Variants in RAB40B observed in about 807,000 individuals in gnomAD.
RAB40B encodes the protein ras-related protein Rab-40B.
In RAB40B, 21 loss-of-function variants were observed where a neutral mutation model predicts 24.0. The observed-to-expected ratio is 0.88, with a 90% CI of 0.62 to 1.26. The LOEUF (loss-of-function observed/expected upper bound fraction) is 1.26, where lower values mean the gene tolerates loss of function less well. Ranked by LOEUF, RAB40B falls within the 50% of genes most tolerant of loss-of-function variation. RAB40B has a pLI of 0.00. For missense variants in RAB40B, 348 were observed against 390.5 expected (o/e 0.89, Z 0.92); for synonymous variants, 167 against 169.8 (o/e 0.98, Z 0.13).
In RAB40B at chr17:82,692,183, G is replaced by A. The variant is rs1205928840; in HGVS notation, c.142+6272C>T. On this transcript the variant is annotated intron_variant, in intron 1 of 5. Transcript: ENST00000571995. This position sits in a 1 kb window ranked among gnomAD's most constrained non-coding sequence, Gnocchi z 4.0. ...GGTGACAGGCAGAGCAGTGGGGCCC[G>A]CACGGTCCGTGGGCTGAGGTGACAG... Among the ~76,000 whole-genome samples the A allele has an allele frequency of 9.0e-3, 685 of 76,220 alleles. 3 individuals carry two copies. The highest frequency in any genetic ancestry group is 0.012 in the Non-Finnish European group (480 of 38,922). The allele number at this position is 76,220 out of a possible 152,430, so 50.0% of individuals were successfully genotyped here. A position where few individuals can be genotyped will look rare whatever the true frequency, so the allele number is the denominator to read the frequency against.
chr17:82,695,584 C>A (rs1487883161), intron 1 of RAB40B, among the ~76,000 whole-genome samples: 2 of 150,204 alleles, frequency 1.3e-5, no homozygotes, highest in African/African-American at 5.0e-5. Context: ...GTGGCTCAGG[C>A]CTATAATCTC....
At chr17:82,684,997 C>G (rs1368993430) in intron 1 of RAB40B, among the ~76,000 whole-genome samples, 2 of 151,358 alleles carry the variant, frequency 1.3e-5, no homozygotes, top group African/African-American at 2.4e-5. Context: ...GCCTATAATC[C>G]CAGCTACTCA....
chr17:82,670,559 G>A lies in RAB40B; in HGVS notation c.143-6003C>T, dbSNP rs543103657. ...ATTTTTTTTTTTTTTTTTTGAGACGGAGTCTTACTCTGTCGCCCAGGCTGG... is the reference window on the plus strand; with the variant it reads ...ATTTTTTTTTTTTTTTTTTGAGACGAAGTCTTACTCTGTCGCCCAGGCTGG... On this transcript the variant is annotated intron_variant, in intron 1 of 5. Coordinates refer to ENST00000571995, the MANE Select transcript of RAB40B (RefSeq NM_006822.3). Among the ~76,000 whole-genome samples the A allele has an allele frequency of 4.0e-5, 6 of 148,446 alleles. No homozygotes were observed. In the South Asian group the frequency reaches 1.3e-3, roughly 32 times the overall value.
chr17:82,660,288 T>C (rs2046149161), intron 3 of RAB40B, among the ~76,000 whole-genome samples: 2 of 145,830 alleles, frequency 1.4e-5, no homozygotes. Context: ...CACGTACACA[T>C]TACACACACA....
chr17:82,658,672 C>T lies in RAB40B; in HGVS notation c.384G>A (p.Leu128=). The T allele has an allele frequency of 6.2e-7, 1 of 1,613,048 alleles. No homozygotes were observed. Among genetic ancestry groups the T allele is most frequent in the Middle Eastern group, 1.7e-4 (1 of 6,056 alleles). Reference sequence around the variant, plus strand: ...GCACCTGCCGCTTGAACGCCAGGTGCAGGCGGTTCCCCACCAGGATCTTGG... The same window carrying T: ...GCACCTGCCGCTTGAACGCCAGGTGTAGGCGGTTCCCCACCAGGATCTTGG... The part of the protein sequence containing the change: ...GVPKILVGNR[L]HLAFKRQVPT... The change falls in exon 5 of 6, where the codon CTG becomes CTA. Residue 128 remains leucine (L), a synonymous_variant. Transcript: ENST00000571995.
At chr17:82,694,165 A>G (rs1193282869) in intron 1 of RAB40B, among the ~76,000 whole-genome samples, 1 of 151,734 alleles carries the variant, frequency 6.6e-6, no homozygotes, top group Non-Finnish European at 1.5e-5. Flanking sequence ...GAACTAATCA[A>G]TAAGTTAGAA....
intron 1 of RAB40B, among the ~76,000 whole-genome samples, chr17:82,671,128 C>G (rs1167043700): frequency 6.6e-6 from 1 of 151,818 alleles, no homozygotes; most frequent in African/African-American, 2.4e-5. Context: ...GTCACTGACA[C>G]ACCCCACCCC....
Position 82,686,546 on chromosome 17 carries a change from C to T in RAB40B, c.142+11909G>A, listed in dbSNP as rs556120388. 5.9e-5 allele frequency among the ~76,000 whole-genome samples: 9 copies of T among 152,272 alleles called. No individual in the cohort carries two copies. In the East Asian group the frequency reaches 9.6e-4, roughly 16 times the overall value. Reference sequence around the variant, plus strand: ...ACACCCAGGAGAGAAGGCTGTGTGACGACAGACAGCAGGGACTGGAACGGT... The same window carrying T: ...ACACCCAGGAGAGAAGGCTGTGTGATGACAGACAGCAGGGACTGGAACGGT... On this transcript the variant is annotated intron_variant, in intron 1 of 5. Coordinates refer to ENST00000571995, the MANE Select transcript of RAB40B (RefSeq NM_006822.3).
In RAB40B at chr17:82,692,010, C is replaced by T. The variant is rs192766413; in HGVS notation, c.142+6445G>A. ...GGGTAACCAGCAGAGCAGTGGGGCC[C>T]GCACGGTCCGTGGGCTGAGGTGACA... On this transcript the variant is annotated intron_variant, in intron 1 of 5. Transcript: ENST00000571995. The surrounding 1 kb of genome is among the most constrained non-coding windows in gnomAD (Gnocchi z 4.0). Among the ~76,000 whole-genome samples, 15 of 151,894 alleles carry T rather than the reference C, an allele frequency of 9.9e-5. No individual in the cohort carries two copies. The highest frequency in any genetic ancestry group is 2.7e-4 in the African/African-American group (11 of 41,394).
chr17:82,685,283 T>A (rs1235377937), intron 1 of RAB40B, among the ~76,000 whole-genome samples: 1 of 59,702 alleles, frequency 1.7e-5, no homozygotes, highest in African/African-American at 7.3e-5. Flanking sequence ...AAAAGGAGGG[T>A]GGGGAGGGAG....
chr17:82,698,271 C>T (rs189540434), intron 1 of RAB40B, among the ~76,000 whole-genome samples, 184 bp downstream of exon 1: 2 of 151,772 alleles, frequency 1.3e-5, no homozygotes, highest in Non-Finnish European at 2.9e-5. Context: ...AACCGCGCTC[C>T]TCCTCAGCCC....
In RAB40B at chr17:82,659,062, G is replaced by A. The variant is rs2046127015; in HGVS notation, c.343-349C>T. The A allele has an allele frequency of 1.0e-5, 3 of 292,876 alleles. No homozygotes were observed. The South Asian group carries it at 1.7e-4, about 17-fold the overall frequency. 18.1% of individuals were successfully genotyped at this position (292,876 alleles called of 1,614,324 possible). ...GAGAGCTGGGAGAGGCGGCTGTAGGGAAGTGGCCCTGCCGACACCTTGGTT... is the reference window on the plus strand; with the variant it reads ...GAGAGCTGGGAGAGGCGGCTGTAGGAAAGTGGCCCTGCCGACACCTTGGTT... On this transcript the variant is annotated intron_variant, in intron 4 of 5. Transcript: ENST00000571995.
At chr17:82,661,201 C>G in intron 2 of RAB40B, 154 bp from the exon 3 acceptor site, 2 of 1,436,224 alleles carry the variant, frequency 1.4e-6, no homozygotes, top group Non-Finnish European at 1.8e-6. Flanking sequence ...TTTCCAATGT[C>G]CCTGAAGGGA....
In RAB40B at chr17:82,656,029, A is replaced by G. The variant is rs111946258; in HGVS notation, c.*1834T>C. On this transcript the variant is annotated 3_prime_UTR_variant, in exon 6 of 6. Transcript: ENST00000571995. ...AGTGGTACGATCTCGGCTCACTGCA[A>G]CCCCTGCCTCCCAGGTTCAAGTGAT... is the stretch of plus-strand genomic sequence containing the variant. 25,544 of 149,536 alleles carry G rather than the reference A, an allele frequency of 0.17. 2,393 individuals carry two copies. Among genetic ancestry groups the G allele is most frequent in the East Asian group, 0.2 (1,034 of 5,050 alleles). 9.3% of individuals were successfully genotyped at this position (149,536 alleles called of 1,614,324 possible). A position where few individuals can be genotyped will look rare whatever the true frequency, so the allele number is the denominator to read the frequency against.
In RAB40B at chr17:82,658,023, G is replaced by A. The variant is rs1464517236; in HGVS notation, c.677C>T (p.Ser226Leu). 5.6e-6 allele frequency: 9 copies of A among 1,614,234 alleles called. No individual in the cohort carries two copies. The highest frequency in any genetic ancestry group is 7.6e-6 in the Non-Finnish European group (9 of 1,180,048). ...IALRSHLKSF[S>L]MANGLNARMM... ...CCTGGCATTCAGGCCGTTGGCCATC[G>A]AGAAGGACTTGAGGTGGCTTCTTAA... The change falls in exon 6 of 6, where the codon TCG (serine) becomes TTG (leucine). Residue 226 changes from serine (S) to leucine (L), a missense_variant. Ser to Leu is a moderately radical substitution (Grantham distance 145). This residue lies in a region of RAB40B where 121 missense variants were observed against 124.0 expected (regional missense o/e 0.98). Transcript: ENST00000571995.
At chr17:82,690,245 C>A (rs1053090687) in intron 1 of RAB40B, among the ~76,000 whole-genome samples, 4 of 123,700 alleles carry the variant, frequency 3.2e-5, no homozygotes, top group Non-Finnish European at 5.1e-5. Context: ...AGTGTGCACA[C>A]GTGTTCTCGG....
rs980598528 is a variant in RAB40B at position 82,685,491 on chromosome 17, G to A, written c.142+12964C>T. On this transcript the variant is annotated intron_variant, in intron 1 of 5. Transcript: ENST00000571995. ...AGCTGTGTAGCCCGTAGGGTCCCAA[G>A]GAGACAGCCCAGCAGTGAAACGCTC... 5.9e-5 allele frequency among the ~76,000 whole-genome samples: 9 copies of A among 152,250 alleles called. No individual in the cohort carries two copies. The Middle Eastern group carries it at 0.014, about 230-fold the overall frequency.
chr17:82,689,424 T>G (rs1017548745), intron 1 of RAB40B, among the ~76,000 whole-genome samples: 4 of 152,226 alleles, frequency 2.6e-5, no homozygotes, highest in Non-Finnish European at 5.9e-5. Flanking sequence ...TGGCTTGCTT[T>G]GAGCCTCTCC....
At chr17:82,685,393 C>A (rs1457838526) in intron 1 of RAB40B, among the ~76,000 whole-genome samples, 1 of 152,106 alleles carries the variant, frequency 6.6e-6, no homozygotes, top group African/African-American at 2.4e-5. Flanking sequence ...TCCTTGGAGT[C>A]ACCAAGTCCT....
Sources: allele counts gnomAD v4.1 joint callset (sites outside exome capture counted in the v4.1 genomes callset), GRCh38; gene constraint gnomAD v4.1.1; regional missense constraint gnomAD v4.1.1; non-coding constraint Gnocchi (gnomAD v3.1); transcripts MANE v1.5; gene names NCBI Gene and HGNC (gene_info 2026-07-23, HGNC 2026-07-21).